Variants in JCAD observed in about 807,000 individuals in gnomAD.
The protein encoded by JCAD is junctional cadherin 5 associated.
A neutral mutation model predicts 98.0 loss-of-function variants in JCAD; 40 were observed. That is an observed-to-expected ratio of 0.41 (90% CI 0.32 to 0.53). The LOEUF (loss-of-function observed/expected upper bound fraction) is 0.53. Among genes scored for constraint, JCAD ranks in the 20% least tolerant of loss-of-function variants. JCAD has a pLI of 0.31. For synonymous variants in JCAD, 691 were observed against 682.3 expected (o/e 1.01, Z -0.20); for missense variants, 1,705 against 1,738.1 (o/e 0.98, Z 0.34).
chr10:30,047,169 C>T (rs758237715), intron 2 of JCAD, among the ~76,000 whole-genome samples: 15 of 151,940 alleles, frequency 9.9e-5, no homozygotes, highest in Non-Finnish European at 1.8e-4. Flanking sequence ...GTCAGGAGTT[C>T]GAGACCAGCC....
chr10:30,084,274 G>A (rs1838132999), intron 1 of JCAD, among the ~76,000 whole-genome samples: 1 of 152,098 alleles, frequency 6.6e-6, no homozygotes, highest in Non-Finnish European at 1.5e-5. Flanking sequence ...TATAGAATCT[G>A]AAAACTTCAC....
At chr10:30,080,761 C>T (rs924485277) in intron 1 of JCAD, among the ~76,000 whole-genome samples, 1 of 152,154 alleles carries the variant, frequency 6.6e-6, no homozygotes, top group East Asian at 1.9e-4. Flanking sequence ...GGAATGATCC[C>T]CTTATTACCC....
chr10:30,093,625 C>A (rs1046841559), intron 1 of JCAD, among the ~76,000 whole-genome samples: 1 of 152,218 alleles, frequency 6.6e-6, no homozygotes, highest in African/African-American at 2.4e-5. Context: ...TCTAGCCCCC[C>A]GCATGTGGCT....
chr10:30,072,350 T>G (rs1235601840), intron 1 of JCAD, among the ~76,000 whole-genome samples: 1 of 152,240 alleles, frequency 6.6e-6, no homozygotes, highest in African/African-American at 2.4e-5. Context: ...TTACATGATT[T>G]ATCTTATGTT....
At chr10:30,104,865 TG>T (rs1361524180) in intron 1 of JCAD, among the ~76,000 whole-genome samples, 1 of 151,772 alleles carries the variant, frequency 6.6e-6, no homozygotes, top group African/African-American at 2.4e-5. Flanking sequence ...AGCGGAGGGT[TG>T]GGGGTTGGCT....
At chr10:30,062,873 A>G (rs1837722232), upstream of JCAD, among the ~76,000 whole-genome samples, 1 of 152,224 alleles carries the variant, frequency 6.6e-6, no homozygotes, top group Non-Finnish European at 1.5e-5. Context: ...TGGGTGGGAC[A>G]CAGAGCCAAA....
intron 1 of JCAD, among the ~76,000 whole-genome samples, chr10:30,087,876 C>A (rs531912443): frequency 6.6e-6 from 1 of 152,372 alleles, no homozygotes; most frequent in South Asian, 2.1e-4. Context: ...GAGTCTCACT[C>A]TGTCGCCAGG....
At chr10:30,113,548 C>CAAAAAAAAAAA (rs71023545) in intron 1 of JCAD, among the ~76,000 whole-genome samples, 1 of 15,966 alleles carries the variant, frequency 6.3e-5, no homozygotes, top group African/African-American at 2.0e-4. Flanking sequence ...GAGACACTGT[C>CAAAAAAAAAAA]AAAAAAAAAA....
intron 1 of JCAD, among the ~76,000 whole-genome samples, chr10:30,048,081 T>A (rs1433122810): frequency 6.6e-6 from 1 of 152,186 alleles, no homozygotes; most frequent in Non-Finnish European, 1.5e-5. Context: ...TGACTCTAAA[T>A]GATGTGGTGG....
chr10:30,031,047 A>G (rs1052164027), intron 2 of JCAD, among the ~76,000 whole-genome samples: 1 of 151,740 alleles, frequency 6.6e-6, no homozygotes, highest in African/African-American at 2.4e-5. Flanking sequence ...TGTAAAATAT[A>G]CACATTACCA....
At chr10:30,092,941 TCCCTA>T (rs1289226207) in intron 1 of JCAD, among the ~76,000 whole-genome samples, 1 of 152,036 alleles carries the variant, frequency 6.6e-6, no homozygotes, top group East Asian at 1.9e-4. Flanking sequence ...CAGTAAAAGA[TCCCTA>T]AATAAATTAT....
intron 1 of JCAD, among the ~76,000 whole-genome samples, chr10:30,087,273 C>T (rs1264698847): frequency 6.6e-6 from 1 of 151,970 alleles, no homozygotes; most frequent in Non-Finnish European, 1.5e-5. Context: ...AACTCTGTCT[C>T]TACAAAAATA....
chr10:30,028,838 G>A lies in JCAD; in HGVS notation c.1310C>T (p.Ala437Val). ...GTCTTCACAGAAACCCTGGGGCTGAGCTAGTTTAAAATGTCGTAACCGTGG... is the reference window on the plus strand; with the variant it reads ...GTCTTCACAGAAACCCTGGGGCTGAACTAGTTTAAAATGTCGTAACCGTGG... Reference protein sequence around the residue: ...DDPRLRHFKLAQPQGFCEDIK... With the variant: ...DDPRLRHFKLVQPQGFCEDIK... The change falls in exon 3 of 4, where the codon GCT becomes GTT. Residue 437 changes from alanine to valine, a missense_variant. Transcript: ENST00000375377. The A allele has an allele frequency of 6.2e-7, 1 of 1,614,252 alleles. No individual in the cohort carries two copies. Among genetic ancestry groups the A allele is most frequent in the Non-Finnish European group, 8.5e-7 (1 of 1,180,050 alleles).
chr10:30,042,123 G>C (rs7077578), intron 2 of JCAD, among the ~76,000 whole-genome samples: 1 of 152,108 alleles, frequency 6.6e-6, no homozygotes, highest in South Asian at 2.1e-4. Flanking sequence ...ATTTAGGAGC[G>C]GGCTAGCATC....
intron 1 of JCAD, among the ~76,000 whole-genome samples, chr10:30,105,354 CTTTCT>C (rs1838554738): frequency 6.7e-6 from 1 of 149,088 alleles, no homozygotes; most frequent in African/African-American, 2.5e-5. Flanking sequence ...TCTTTTCTTT[CTTTCT>C]TTTTTTTTTT....
At chr10:30,041,816 G>C (rs1028643426) in intron 2 of JCAD, among the ~76,000 whole-genome samples, 3 of 152,150 alleles carry the variant, frequency 2.0e-5, no homozygotes, top group African/African-American at 7.2e-5. Context: ...TATTTCAAAG[G>C]AAACACATTA....
Position 30,026,108 on chromosome 10 carries a change from C to T in JCAD, c.4040G>A (p.Cys1347Tyr), listed in dbSNP as rs758401924. 8.1e-6 allele frequency: 13 copies of T among 1,614,178 alleles called. No homozygotes were observed. In the East Asian group the frequency reaches 2.2e-4, roughly 28 times the overall value. ...CTGTCTGCCTGATTCCTCACCTGGG[C>T]ACCAGAAGTCTTGATCCATGCTCTT... ...KEKSMDQDFW[C>Y]PDSYDPSRVE... The change falls in exon 3 of 4, where the codon TGC becomes TAC. Residue 1347 changes from cysteine to tyrosine, a missense_variant. Around this residue, in one of 3 missense-constraint regions of JCAD, gnomAD observed 1,278 missense variants for 1,243.1 expected, o/e 1.03. Coordinates refer to ENST00000375377, the MANE Select transcript of JCAD (RefSeq NM_020848.4).
rs532873183 is a variant in JCAD at position 30,039,881 on chromosome 10, C to T, written c.281+7651G>A. Among the ~76,000 whole-genome samples the T allele has an allele frequency of 2.4e-3, 360 of 152,312 alleles. 3 individuals carry two copies. Among genetic ancestry groups the T allele is most frequent in the African/African-American group, 8.3e-3 (346 of 41,558 alleles). On this transcript the variant is annotated intron_variant, in intron 2 of 3. Transcript: ENST00000375377. ...TGATGCCTCATCTGTACTGCAGGGA[C>T]GGACTACGCCTTCCTTTTTGTATCC...
At chr10:30,092,049 A>AT (rs1838278963) in intron 1 of JCAD, among the ~76,000 whole-genome samples, 14 of 27,786 alleles carry the variant, frequency 5.0e-4, no homozygotes, top group African/African-American at 2.5e-3. Context: ...AAAAAAAAAA[A>AT]AAAAAAAAAA....
Sources: gnomAD v4.1 joint callset for allele counts (sites outside exome capture counted in the v4.1 genomes callset) on GRCh38, gnomAD v4.1.1 for gene constraint, gnomAD v4.1.1 regional missense constraint, MANE v1.5 for transcripts, NCBI Gene and HGNC (gene_info 2026-07-23, HGNC 2026-07-21) for gene names.